The following MYH3 variants were observed in gnomAD, a reference collection of about 807,000 sequenced individuals.
The protein encoded by MYH3 is myosin-3.
In MYH3, 130 loss-of-function variants were observed where a neutral mutation model predicts 238.0. That is an observed-to-expected ratio of 0.55 (90% CI 0.47 to 0.63). MYH3 has a LOEUF of 0.63. Among genes scored for constraint, MYH3 ranks in the 30% least tolerant of loss-of-function variants. MYH3 has a pLI of 0.00. For synonymous variants in MYH3, 880 were observed against 924.1 expected, an observed-to-expected ratio of 0.95 and a Z score of 0.86; for missense variants, 1,853 against 2,374.9, an observed-to-expected ratio of 0.78 and a Z score of 4.57.
chr17:10,659,382 C>G (rs1436098739), upstream of MYH3, among the ~76,000 whole-genome samples: 2 of 152,200 alleles, frequency 1.3e-5, no homozygotes, highest in Non-Finnish European at 2.9e-5. Context: ...TCATCTTCAG[C>G]AAACAAATAT....
intron 8 of MYH3, 112 bp from the exon 9 acceptor site, chr17:10,647,538 GTTT>G: frequency 9.4e-7 from 1 of 1,061,072 alleles, no homozygotes; most frequent in Middle Eastern, 2.6e-4. Context: ...TTTTTGTTTT[GTTT>G]TGTTTTGTTT....
At chr17:10,641,945 C>A (rs2074276985) in intron 17 of MYH3, among the ~76,000 whole-genome samples, 2 of 152,188 alleles carry the variant, frequency 1.3e-5, no homozygotes, top group African/African-American at 4.8e-5. Context: ...GGTGATGGAT[C>A]CACTGGGAGC....
chr17:10,636,188 A>C (rs2074213678), intron 28 of MYH3, among the ~76,000 whole-genome samples: 1 of 149,308 alleles, frequency 6.7e-6, no homozygotes, highest in Non-Finnish European at 1.5e-5. Flanking sequence ...GGGCGTGGTC[A>C]TGGGCACCTG....
chr17:10,641,066 G>T lies in MYH3; in HGVS notation c.2165+19C>A. On this transcript the variant is annotated intron_variant, in intron 19 of 40. Coordinates refer to ENST00000583535, the MANE Select transcript of MYH3 (RefSeq NM_002470.4). ...CGTACATCTCATCCCCAAGCATATA[G>T]AACATGTTTATTACACACCTTTGTT... The T allele has an allele frequency of 6.5e-7, 1 of 1,527,408 alleles. No individual in the cohort carries two copies. Among genetic ancestry groups the T allele is most frequent in the Non-Finnish European group, 9.1e-7 (1 of 1,102,274 alleles). The allele number at this position is 1,527,408 out of a possible 1,614,324, so 94.6% of individuals were successfully genotyped here.
chr17:10,651,771 G>T, intron 4 of MYH3, 103 bp from the exon 5 acceptor site: 1 of 1,407,434 alleles, frequency 7.1e-7, no homozygotes, highest in Non-Finnish European at 9.6e-7. Context: ...TTGAGACGGA[G>T]TCTCACTCTG....
intron 26 of MYH3, 149 bp downstream of exon 26, chr17:10,638,724 A>T (rs773149482): frequency 2.4e-6 from 2 of 816,594 alleles, no homozygotes; most frequent in Non-Finnish European, 4.0e-6. Flanking sequence ...GAAATGGTTC[A>T]TCATGGCCAG....
intron 34 of MYH3, among the ~76,000 whole-genome samples, 184 bp downstream of exon 34, chr17:10,632,291 AT>A (rs571222522): frequency 3.3e-5 from 5 of 151,564 alleles, no homozygotes; most frequent in Non-Finnish European, 7.4e-5. Flanking sequence ...GCTAATTTTT[AT>A]TTTTTTTGTA....
chr17:10,629,696 C>T lies in MYH3; in HGVS notation c.5697G>A (p.Lys1899=), dbSNP rs1245889078. Residue 1899 remains lysine, a synonymous_variant, in exon 40 of 41, where the codon AAG becomes AAA. Coordinates refer to ENST00000583535, the MANE Select transcript of MYH3 (RefSeq NM_002470.4). ...QANAHLTKFR[K]AQHELEEAEE... ...CGGCCTCCTCCAGCTCATGCTGAGC[C>T]TTTCGGAATTTGGTGAGATGAGCAT... The T allele has an allele frequency of 6.2e-7, 1 of 1,614,098 alleles. No homozygotes were observed. Among genetic ancestry groups the T allele is most frequent in the Non-Finnish European group, 8.5e-7 (1 of 1,180,058 alleles).
intron 5 of MYH3, 27 bp from the exon 6 acceptor site, chr17:10,650,428 T>A (rs200808294): frequency 1.2e-6 from 2 of 1,604,148 alleles, no homozygotes; most frequent in African/African-American, 2.7e-5. Flanking sequence ...TAAAATAGAG[T>A]TGATGGCAAT....
rs777159320 is a variant in MYH3 at position 10,631,986 on chromosome 17, G to C, written c.4987C>G (p.Arg1663Gly). Residue 1663 changes from arginine to glycine, a missense_variant, in exon 35 of 41, where the codon CGG becomes GGG. This residue lies in a region of MYH3 where 1,044 missense variants were observed against 1,192.6 expected (regional missense o/e 0.88). Coordinates refer to ENST00000583535, the MANE Select transcript of MYH3 (RefSeq NM_002470.4). Reference sequence around the variant, plus strand: ...TGCTCCTTCAGGTCCTCCTGGCCCCGGAGGGCATCATCCAGGTGGAGCTGC... The same window carrying C: ...TGCTCCTTCAGGTCCTCCTGGCCCCCGAGGGCATCATCCAGGTGGAGCTGC... ...DTQLHLDDAL[R>G]GQEDLKEQLA... The C allele has an allele frequency of 6.2e-7, 1 of 1,613,766 alleles. No individual in the cohort carries two copies. The highest frequency in any genetic ancestry group is 1.3e-5 in the African/African-American group (1 of 75,038).
At chr17:10,659,754 G>A (rs1398708360), upstream of MYH3, among the ~76,000 whole-genome samples, 1 of 152,214 alleles carries the variant, frequency 6.6e-6, no homozygotes, top group Non-Finnish European at 1.5e-5. Context: ...CATCTCTTTG[G>A]CTGAACTGTC....
At chr17:10,650,859 G>A (rs1007178890) in intron 5 of MYH3, among the ~76,000 whole-genome samples, 1 of 152,064 alleles carries the variant, frequency 6.6e-6, no homozygotes, top group Non-Finnish European at 1.5e-5. Flanking sequence ...TCCTTCTTGA[G>A]ACTGAGACTC....
At chr17:10,647,113 C>T in intron 10 of MYH3, 69 bp downstream of exon 10, 1 of 1,133,756 alleles carries the variant, frequency 8.8e-7, no homozygotes, top group Admixed American at 1.7e-5. Context: ...TACGTAGATA[C>T]AACTCTCCTT....
At chr17:10,661,520 A>T (rs936111406), upstream of MYH3, among the ~76,000 whole-genome samples, 1 of 152,104 alleles carries the variant, frequency 6.6e-6, no homozygotes, top group African/African-American at 2.4e-5. Context: ...GATAATCCCC[A>T]CAGCCAGGGC....
the MYH3 span, among the ~76,000 whole-genome samples, chr17:10,665,967 G>A: frequency 6.6e-6 from 1 of 152,164 alleles, no homozygotes; most frequent in Non-Finnish European, 1.5e-5. Flanking sequence ...TTATGGAAAT[G>A]TGATACCTGA....
intron 2 of MYH3, 83 bp downstream of exon 2, chr17:10,656,007 G>C (rs561866280): frequency 6.6e-6 from 1 of 152,246 alleles, no homozygotes; most frequent in Non-Finnish European, 1.5e-5. Flanking sequence ...CCTTATGGCC[G>C]GTGGGAGGAG....
intron 10 of MYH3, among the ~76,000 whole-genome samples, chr17:10,646,941 G>A (rs544494482): frequency 2.6e-5 from 4 of 152,132 alleles, no homozygotes; most frequent in South Asian, 4.1e-4. Flanking sequence ...GCAGCCACTC[G>A]GGAGGCTGGG....
chr17:10,634,540 C>T (rs2074195273), intron 31 of MYH3, among the ~76,000 whole-genome samples: 1 of 152,192 alleles, frequency 6.6e-6, no homozygotes, highest in South Asian at 2.1e-4. Flanking sequence ...GAAAGCCTCC[C>T]AATAGGATCT....
rs2074277587 is a variant in MYH3 at position 10,642,005 on chromosome 17, GAAA to G, written c.1959+232_1959+234del. 6.6e-6 allele frequency among the ~76,000 whole-genome samples: 1 copy of G among 152,180 alleles called. No homozygotes were observed. The highest frequency in any genetic ancestry group is 2.4e-5 in the African/African-American group (1 of 41,440). Reference sequence around the variant, plus strand: ...TAGGAAAATTGGAGAGTTTATGCTGGAAACTCGGACAAGCCAACTCAGCTATCT... The same window carrying G: ...TAGGAAAATTGGAGAGTTTATGCTGGCTCGGACAAGCCAACTCAGCTATCT... On this transcript the variant is annotated intron_variant, in intron 17 of 40. Transcript: ENST00000583535. The surrounding 1 kb of genome is among the most constrained non-coding windows in gnomAD (Gnocchi z 5.4).
Sources: allele counts gnomAD v4.1 joint callset (sites outside exome capture counted in the v4.1 genomes callset), GRCh38; gene constraint gnomAD v4.1.1; regional missense constraint gnomAD v4.1.1; non-coding constraint Gnocchi (gnomAD v3.1); transcripts MANE v1.5; gene names NCBI Gene and HGNC (gene_info 2026-07-23, HGNC 2026-07-21).